The following FAM107B variants were observed in gnomAD, a reference collection of about 807,000 sequenced individuals.
FAM107B encodes the protein protein FAM107B.
Under a neutral mutation model 31.5 loss-of-function variants are expected in FAM107B, and 21 were observed. That is an observed-to-expected ratio of 0.67 (90% confidence interval 0.47 to 0.96). The LOEUF (loss-of-function observed/expected upper bound fraction) is 0.96, where lower values mean the gene tolerates loss of function less well. Among genes scored for constraint, FAM107B ranks in the 40% least tolerant of loss-of-function variants. The probability of loss-of-function intolerance (pLI) is 0.00; values close to 1 mark genes in which losing one functional copy is unlikely to be tolerated. For missense variants in FAM107B, 452 were observed against 377.1 expected (o/e 1.20, Z -1.64); for synonymous variants, 157 against 141.5 (o/e 1.11, Z -0.78).
At chr10:14,704,269 C>G (rs1163921032) in intron 1 of FAM107B, among the ~76,000 whole-genome samples, 2 of 148,130 alleles carry the variant, frequency 1.4e-5, no homozygotes, top group Admixed American at 6.8e-5. Flanking sequence ...GTAAATTGCT[C>G]TGTGTGTGTG....
At chr10:14,647,866 A>T (rs760537625) in intron 2 of FAM107B, among the ~76,000 whole-genome samples, 1 of 152,074 alleles carries the variant, frequency 6.6e-6, no homozygotes, top group Non-Finnish European at 1.5e-5. Context: ...AATGCGGTAA[A>T]CACCCTCTAA....
intron 1 of FAM107B, among the ~76,000 whole-genome samples, chr10:14,704,241 C>T (rs913590363): frequency 8.0e-5 from 12 of 150,368 alleles, no homozygotes; most frequent in African/African-American, 2.2e-4. Context: ...ATCAAAGAGG[C>T]TAATTGTAAA....
At chr10:14,681,298 A>G (rs7096392) in intron 1 of FAM107B, among the ~76,000 whole-genome samples, 81,567 of 151,988 alleles carry the variant, frequency 0.54, 23,189 homozygotes, top group South Asian at 0.68. Flanking sequence ...TTTGAGAATC[A>G]CCGTTGCAAA....
intron 3 of FAM107B, among the ~76,000 whole-genome samples, chr10:14,525,848 G>C (rs143321412): frequency 6.6e-6 from 1 of 152,286 alleles, no homozygotes; most frequent in African/African-American, 2.4e-5. Context: ...TACTGCCAAA[G>C]TGCCCTACAA....
chr10:14,762,716 A>G (rs1227498449), intron 1 of FAM107B, among the ~76,000 whole-genome samples: 1 of 148,830 alleles, frequency 6.7e-6, no homozygotes, highest in Non-Finnish European at 1.5e-5. Context: ...AGATTGTGCC[A>G]CTGCACTACA....
At chr10:14,604,147 A>AG in intron 2 of FAM107B, 1 of 538,934 alleles carries the variant, frequency 1.9e-6, no homozygotes, top group Non-Finnish European at 2.3e-6. Flanking sequence ...GCCCGCCGAG[A>AG]GGGTCCCCGG....
intron 1 of FAM107B, among the ~76,000 whole-genome samples, chr10:14,736,550 C>G (rs763336913): frequency 1.3e-5 from 2 of 152,212 alleles, no homozygotes; most frequent in Middle Eastern, 3.4e-3. Flanking sequence ...ACAGTAAGTC[C>G]ATTACCAAAA....
At position 14,543,329 on chromosome 10, in the gene FAM107B, T is replaced by C. The variant is rs17155451; in HGVS notation, c.470-12814A>G. Among the ~76,000 whole-genome samples, 358 of 152,062 alleles carry C rather than the reference T, an allele frequency of 2.4e-3. 12 individuals are homozygous for C. In the East Asian group the frequency reaches 0.056, roughly 24 times the overall value. Reference sequence around the variant, plus strand: ...GAATTGCAAGAAGAAAACTAGTACGTAAATTCTAAAAAACATGACTGGCAC... The same window carrying C: ...GAATTGCAAGAAGAAAACTAGTACGCAAATTCTAAAAAACATGACTGGCAC... On this transcript the variant is annotated intron_variant, in intron 2 of 4. Transcript: ENST00000181796.
chr10:14,624,629 C>T (rs1369081238), intron 2 of FAM107B, among the ~76,000 whole-genome samples: 1 of 151,784 alleles, frequency 6.6e-6, no homozygotes, highest in African/African-American at 2.4e-5. Context: ...GAGCAAGACT[C>T]CGTTTCAAAA....
intron 1 of FAM107B, among the ~76,000 whole-genome samples, chr10:14,758,547 C>T (rs944936786): frequency 6.6e-6 from 1 of 151,988 alleles, no homozygotes; most frequent in Admixed American, 6.6e-5. Context: ...TAAAAACTCC[C>T]CCAAGTGATT....
chr10:14,567,257 A>G (rs1013383398), intron 2 of FAM107B, among the ~76,000 whole-genome samples: 2 of 152,316 alleles, frequency 1.3e-5, no homozygotes, highest in East Asian at 1.9e-4. Context: ...CTTTCACTAT[A>G]AACAGAAAAA....
chr10:14,773,277 T>C lies in FAM107B; in HGVS notation c.411+976A>G, dbSNP rs570996386. Among the ~76,000 whole-genome samples, 5 of 152,358 alleles carry C rather than the reference T, an allele frequency of 3.3e-5. No individual in the cohort carries two copies. In the South Asian group the frequency reaches 1.0e-3, roughly 32 times the overall value. Reference sequence around the variant, plus strand: ...GATGTTTTAACCCTATCTTTGCTGGTTGGCTGTGTTCTTGCTAAGGAGGCT... The same window carrying C: ...GATGTTTTAACCCTATCTTTGCTGGCTGGCTGTGTTCTTGCTAAGGAGGCT... On this transcript the variant is annotated intron_variant, in intron 1 of 4. Transcript: ENST00000181796.
chr10:14,754,125 G>T (rs1175968176), intron 1 of FAM107B, among the ~76,000 whole-genome samples: 1 of 152,034 alleles, frequency 6.6e-6, no homozygotes, highest in Non-Finnish European at 1.5e-5. Flanking sequence ...TTTTGGTAGG[G>T]ACAGGGTTTT....
rs41291341 is a variant in FAM107B at position 14,518,856 on chromosome 10, G to C, written c.*2334C>G. 849 of 152,618 alleles carry C rather than the reference G, an allele frequency of 5.6e-3. 6 individuals are homozygous for C. Among genetic ancestry groups the C allele is most frequent in the Non-Finnish European group, 9.9e-3 (675 of 68,012 alleles). 9.5% of individuals were successfully genotyped at this position (152,618 alleles called of 1,614,324 possible). On this transcript the variant is annotated 3_prime_UTR_variant, in exon 5 of 5. Transcript: ENST00000181796. Reference sequence around the variant, plus strand: ...AAGAAAACCACGCTGTGGAAAAATGGAGCCATTTTTGTCAAAAAGTGGCTC... The same window carrying C: ...AAGAAAACCACGCTGTGGAAAAATGCAGCCATTTTTGTCAAAAAGTGGCTC...
At chr10:14,575,622 G>C (rs1447496871) in intron 2 of FAM107B, among the ~76,000 whole-genome samples, 1 of 152,194 alleles carries the variant, frequency 6.6e-6, no homozygotes, top group African/African-American at 2.4e-5. Context: ...ACAGGGGCCA[G>C]GGAAACCTAA....
chr10:14,661,153 T>G (rs1854228267), intron 2 of FAM107B, among the ~76,000 whole-genome samples: 1 of 152,232 alleles, frequency 6.6e-6, no homozygotes, highest in Non-Finnish European at 1.5e-5. Flanking sequence ...CTGTACAGCC[T>G]GCAGAACTGT....
intron 1 of FAM107B, among the ~76,000 whole-genome samples, chr10:14,771,372 A>G (rs1405142554): frequency 2.0e-5 from 3 of 152,252 alleles, no homozygotes; most frequent in South Asian, 2.1e-4. Flanking sequence ...GTTACTGGAT[A>G]CAAAAGTACA....
intron 2 of FAM107B, among the ~76,000 whole-genome samples, chr10:14,627,537 G>T (rs1034460164): frequency 3.9e-5 from 6 of 152,246 alleles, no homozygotes; most frequent in African/African-American, 1.4e-4. Flanking sequence ...ACTTTGGAAG[G>T]CCAAAGTAGG....
chr10:14,567,253 C>G (rs1157119959), intron 2 of FAM107B, among the ~76,000 whole-genome samples: 1 of 152,124 alleles, frequency 6.6e-6, no homozygotes, highest in Non-Finnish European at 1.5e-5. Context: ...TCCTCTTTCA[C>G]TATAAACAGA....
Sources: gnomAD v4.1 joint callset for allele counts (sites outside exome capture counted in the v4.1 genomes callset) on GRCh38, gnomAD v4.1.1 for gene constraint, MANE v1.5 for transcripts, NCBI Gene and HGNC (gene_info 2026-07-23, HGNC 2026-07-21) for gene names.